Variants in GADL1 observed in about 807,000 individuals in gnomAD.
The protein encoded by GADL1 is GAD like acidic amino acid decarboxylase 1.
A neutral mutation model predicts 69.5 loss-of-function variants in GADL1; 71 were observed. The ratio of observed to expected loss-of-function variants is 1.02; its 90% CI spans 0.84 to 1.25. The LOEUF is 1.25. GADL1 is among the 50% of genes most tolerant of loss of function. The pLI is 0.00. For missense variants in GADL1, 737 were observed against 631.8 expected, an observed-to-expected ratio of 1.17 and a Z score of -1.79; for synonymous variants, 254 against 214.4, an observed-to-expected ratio of 1.18 and a Z score of -1.62.
At chr3:30,796,423 GAC>G (rs1249992978) in intron 12 of GADL1, among the ~76,000 whole-genome samples, 1 of 152,070 alleles carries the variant, frequency 6.6e-6, no homozygotes, top group African/African-American at 2.4e-5. Flanking sequence ...AAGAAGAATT[GAC>G]ACACTCCCCA....
At chr3:30,888,420 T>C (rs1698737133) in intron 1 of GADL1, among the ~76,000 whole-genome samples, 1 of 152,074 alleles carries the variant, frequency 6.6e-6, no homozygotes, top group Non-Finnish European at 1.5e-5. Context: ...CATCGTGGAG[T>C]TGCGGAGACC....
chr3:30,869,874 G>A (rs1698456513), intron 1 of GADL1, among the ~76,000 whole-genome samples: 1 of 151,774 alleles, frequency 6.6e-6, no homozygotes, highest in Admixed American at 6.6e-5. Flanking sequence ...AGGGAAATTA[G>A]ACATGTTTAT....
At position 30,784,759 on chromosome 3, in the gene GADL1, A is replaced by G. The variant is rs141641683; in HGVS notation, c.1302+1596T>C. ...AGAATAATCTTTTAACATGCAAGTC[A>G]GACTCCTGTCTTCTTAAAACATCTC... is the stretch of plus-strand genomic sequence containing the variant. On this transcript the variant is annotated intron_variant, in intron 13 of 14. Coordinates refer to ENST00000282538, the MANE Select transcript of GADL1 (RefSeq NM_207359.3). Among the ~76,000 whole-genome samples the G allele has an allele frequency of 6.6e-4, 100 of 152,304 alleles. No individual in the cohort carries two copies. The Middle Eastern group carries it at 0.034, about 52-fold the overall frequency.
At chr3:30,751,485 G>A (rs1368294279) in intron 14 of GADL1, among the ~76,000 whole-genome samples, 1 of 150,296 alleles carries the variant, frequency 6.7e-6, no homozygotes, top group African/African-American at 2.5e-5. Context: ...GAGAACCTGG[G>A]TAACTAGAAC....
chr3:30,728,456 C>T (rs7617829), intron 14 of GADL1, 41 bp from the exon 15 acceptor site: 479,447 of 1,540,846 alleles, frequency 0.31, 77,477 homozygotes, highest in Non-Finnish European at 0.34. Flanking sequence ...AAGACCAGAA[C>T]ATCAAGGCAT....
intron 13 of GADL1, among the ~76,000 whole-genome samples, chr3:30,781,434 C>T (rs1696663036): frequency 6.6e-6 from 1 of 152,104 alleles, no homozygotes; most frequent in Admixed American, 6.6e-5. Context: ...GTAACAAAAG[C>T]TAAAGCTAGC....
chr3:30,857,232 T>C, intron 2 of GADL1, 91 bp from the exon 3 acceptor site: 1 of 1,098,698 alleles, frequency 9.1e-7, no homozygotes, highest in Non-Finnish European at 1.3e-6. Flanking sequence ...TTACAAAGCT[T>C]CTGGGCAGCG....
At chr3:30,808,232 A>G (rs1377444881) in intron 11 of GADL1, among the ~76,000 whole-genome samples, 1 of 151,968 alleles carries the variant, frequency 6.6e-6, no homozygotes, top group African/African-American at 2.4e-5. Context: ...CCAGTGGCCT[A>G]CGCCTGTAAT....
chr3:30,855,588 T>C (rs62233361), intron 3 of GADL1, among the ~76,000 whole-genome samples: 41,820 of 151,786 alleles, frequency 0.28, 8,108 homozygotes, highest in African/African-American at 0.56. Flanking sequence ...AGACAAACAA[T>C]GGCTTGTTCC....
intron 1 of GADL1, among the ~76,000 whole-genome samples, chr3:30,863,018 A>G (rs76847579): frequency 0.024 from 3,465 of 144,708 alleles, 128 homozygotes; most frequent in African/African-American, 0.079. Flanking sequence ...ACATAAGCCC[A>G]TGTCTGTTTC....
intron 14 of GADL1, among the ~76,000 whole-genome samples, chr3:30,765,671 C>A (rs775368550): frequency 2.0e-5 from 3 of 152,086 alleles, no homozygotes; most frequent in Non-Finnish European, 4.4e-5. Context: ...AACAAGGAGC[C>A]CCACATTTTT....
chr3:30,861,561 T>C (rs1186934920), intron 2 of GADL1, 32 bp downstream of exon 2: 23 of 1,491,638 alleles, frequency 1.5e-5, no homozygotes, highest in Non-Finnish European at 2.1e-5. Context: ...TCTTTCCCAT[T>C]TCTGCAATTT....
intron 6 of GADL1, among the ~76,000 whole-genome samples, chr3:30,846,161 A>T (rs1698052686): frequency 6.6e-6 from 1 of 152,196 alleles, no homozygotes. Flanking sequence ...TGCTTCAGAC[A>T]TGCTGAGTAG....
rs1184276947 is a variant in GADL1, at chr3:30,833,950, A to G, written c.969-16T>C. On this transcript the variant is annotated splice_polypyrimidine_tract_variant and intron_variant, in intron 10 of 14. Coordinates refer to ENST00000282538, the MANE Select transcript of GADL1 (RefSeq NM_207359.3). ...AGAGTCAGCCCTATTGTTTAAACAA[A>G]GGGACAGAGTAGGGAGAGGACTCAA... The G allele has an allele frequency of 6.3e-7, 1 of 1,584,548 alleles. No individual in the cohort carries two copies. The highest frequency in any genetic ancestry group is 1.1e-5 in the South Asian group (1 of 90,454).
chr3:30,735,880 T>G (rs568769924), intron 14 of GADL1, among the ~76,000 whole-genome samples: 7 of 152,092 alleles, frequency 4.6e-5, no homozygotes, highest in African/African-American at 1.7e-4. Flanking sequence ...CTACCACACA[T>G]CAGATTGAAC....
intron 14 of GADL1, among the ~76,000 whole-genome samples, chr3:30,769,384 A>ACG (rs1167112287): frequency 6.6e-6 from 1 of 151,910 alleles, no homozygotes; most frequent in East Asian, 1.9e-4. Flanking sequence ...GTATGCACAC[A>ACG]CGCACACACA....
chr3:30,817,725 G>A (rs1044581310), intron 11 of GADL1, among the ~76,000 whole-genome samples: 1 of 152,172 alleles, frequency 6.6e-6, no homozygotes. Context: ...GAATGCACCA[G>A]TATTTCTAGA....
At chr3:30,741,116 A>G (rs1363444224) in intron 14 of GADL1, among the ~76,000 whole-genome samples, 10,124 of 48,060 alleles carry the variant, frequency 0.21, 1,261 homozygotes, top group African/African-American at 0.45. Flanking sequence ...TTCCTAGTAT[A>G]TATATATATA....
intron 14 of GADL1, among the ~76,000 whole-genome samples, chr3:30,769,941 GAT>G (rs1491033173): frequency 1.3e-5 from 2 of 151,104 alleles, no homozygotes; most frequent in Non-Finnish European, 2.9e-5. Flanking sequence ...ATTTAGGTAA[GAT>G]ATTACACATT....
Sources: allele counts gnomAD v4.1 joint callset (sites outside exome capture counted in the v4.1 genomes callset), GRCh38; gene constraint gnomAD v4.1.1; transcripts MANE v1.5; gene names NCBI Gene and HGNC (gene_info 2026-07-23, HGNC 2026-07-21).